The following RIPK1 variants were observed in gnomAD, a reference collection of about 807,000 sequenced individuals.
RIPK1 encodes the protein receptor interacting serine/threonine kinase 1.
In RIPK1, 27 loss-of-function variants were observed where a neutral mutation model predicts 62.4. That is an observed-to-expected ratio of 0.43 (90% CI 0.32 to 0.60). RIPK1 has a LOEUF of 0.60. Among genes scored for constraint, RIPK1 ranks in the 20% least tolerant of loss-of-function variants. RIPK1 has a pLI of 0.07. For synonymous variants in RIPK1, 287 were observed against 303.2 expected, an observed-to-expected ratio of 0.95 and a Z score of 0.55; for missense variants, 735 against 831.0, an observed-to-expected ratio of 0.88 and a Z score of 1.42.
chr6:3,099,494 A>T (rs1561769350), intron 7 of RIPK1, among the ~76,000 whole-genome samples: 1 of 152,252 alleles, frequency 6.6e-6, no homozygotes, highest in Non-Finnish European at 1.5e-5. Context: ...CAGTGAGCCG[A>T]GATGGAGCCA....
intron 7 of RIPK1, among the ~76,000 whole-genome samples, chr6:3,100,555 A>T (rs1760541220): frequency 6.6e-6 from 1 of 152,082 alleles, no homozygotes; most frequent in Non-Finnish European, 1.5e-5. Context: ...TTTGGATGTT[A>T]TTCTATGTGA....
intron 10 of RIPK1, 118 bp from the exon 11 acceptor site, chr6:3,112,935 T>A: frequency 1.2e-6 from 1 of 812,686 alleles, no homozygotes; most frequent in Non-Finnish European, 1.9e-6. Context: ...ACTAAGAAGT[T>A]ATCTTTTTCA....
At chr6:3,082,631 G>A (rs964367917) in intron 4 of RIPK1, among the ~76,000 whole-genome samples, 2 of 152,136 alleles carry the variant, frequency 1.3e-5, no homozygotes. Flanking sequence ...GCATCCATGG[G>A]CCTCTGGACG....
chr6:3,083,002 T>C (rs1759481496), intron 4 of RIPK1, 83 bp from the exon 5 acceptor site: 3 of 1,387,400 alleles, frequency 2.2e-6, no homozygotes, highest in Admixed American at 3.5e-5. Context: ...TTATGTATAA[T>C]GGATAAGCCC....
intron 1 of RIPK1, among the ~76,000 whole-genome samples, chr6:3,073,978 C>G (rs116284271): frequency 0.013 from 2,016 of 152,314 alleles, 14 homozygotes; most frequent in Middle Eastern, 0.027. Flanking sequence ...TGATGTATTT[C>G]CAAGTACACA....
At chr6:3,111,978 TTC>T (rs1164390645) in intron 10 of RIPK1, among the ~76,000 whole-genome samples, 1 of 152,236 alleles carries the variant, frequency 6.6e-6, no homozygotes, top group African/African-American at 2.4e-5. Flanking sequence ...CTTCCTTATA[TTC>T]TGTTTAATGA....
intron 2 of RIPK1, among the ~76,000 whole-genome samples, chr6:3,077,215 A>C (rs1483867975): frequency 6.6e-6 from 1 of 152,168 alleles, no homozygotes; most frequent in Non-Finnish European, 1.5e-5. Flanking sequence ...AGACATGAAC[A>C]AGAAGGAAAT....
intron 7 of RIPK1, among the ~76,000 whole-genome samples, chr6:3,093,913 G>A (rs1760108572): frequency 1.9e-5 from 1 of 51,604 alleles, no homozygotes; most frequent in East Asian, 4.8e-4. Flanking sequence ...GCCGCACCTA[G>A]TAACCGCAGC....
At chr6:3,088,242 C>T (rs774580771) in intron 6 of RIPK1, among the ~76,000 whole-genome samples, 2 of 152,218 alleles carry the variant, frequency 1.3e-5, no homozygotes, top group Non-Finnish European at 2.9e-5. Flanking sequence ...TTCAGCCTCT[C>T]GACTCAGCCC....
At chr6:3,067,300 AG>A (rs766286355), upstream of RIPK1, among the ~76,000 whole-genome samples, 5 of 152,058 alleles carry the variant, frequency 3.3e-5, no homozygotes, top group Non-Finnish European at 7.4e-5. Flanking sequence ...TGGTAAGAAG[AG>A]CTTGGTTAAG....
At chr6:3,094,533 C>T (rs1581416143) in intron 7 of RIPK1, among the ~76,000 whole-genome samples, 1 of 150,848 alleles carries the variant, frequency 6.6e-6, no homozygotes, top group Admixed American at 6.6e-5. Flanking sequence ...TTATAAAATG[C>T]ACTTTGCAAA....
intron 3 of RIPK1, among the ~76,000 whole-genome samples, chr6:3,079,998 AAG>A (rs1233305857): frequency 6.6e-6 from 1 of 152,196 alleles, no homozygotes; most frequent in African/African-American, 2.4e-5. Context: ...GAGAAGCAGA[AAG>A]AGAGGAGAGA....
chr6:3,108,184 G>A (rs1760958908), intron 9 of RIPK1, among the ~76,000 whole-genome samples: 1 of 151,896 alleles, frequency 6.6e-6, no homozygotes, highest in Non-Finnish European at 1.5e-5. Context: ...GCTGCTTGAA[G>A]TGAGGTTAGA....
chr6:3,103,691 C>T (rs1041593660), intron 7 of RIPK1, among the ~76,000 whole-genome samples: 1 of 152,046 alleles, frequency 6.6e-6, no homozygotes, highest in Non-Finnish European at 1.5e-5. Flanking sequence ...GTGTCATAAC[C>T]AAGAAATCGC....
In RIPK1 at chr6:3,085,290, C is replaced by T. The variant is rs142492551; in HGVS notation, c.720C>T (p.Cys240=). ...NAICEQQLIM[C]IKSGNRPDVD... Reference sequence around the variant, plus strand: ...TCTGTGAGCAGCAGTTGATAATGTGCATAAAATCTGGGAACAGGCCAGATG... The same window carrying T: ...TCTGTGAGCAGCAGTTGATAATGTGTATAAAATCTGGGAACAGGCCAGATG... Residue 240 remains cysteine (C), a synonymous_variant, in exon 6 of 11, where the codon TGC becomes TGT. Coordinates refer to ENST00000259808, the MANE Select transcript of RIPK1 (RefSeq NM_001354930.2). 2.5e-6 allele frequency: 4 copies of T among 1,614,076 alleles called. No individual in the cohort carries two copies. In the African/African-American group the frequency reaches 4.0e-5, roughly 16 times the overall value.
At chr6:3,096,062 C>T (rs912986829) in intron 7 of RIPK1, among the ~76,000 whole-genome samples, 13 of 152,284 alleles carry the variant, frequency 8.5e-5, no homozygotes, top group African/African-American at 2.4e-4. Flanking sequence ...GTCTCAAACT[C>T]ATGAGCTCAA....
chr6:3,094,713 AG>A (rs1473952974), intron 7 of RIPK1, among the ~76,000 whole-genome samples: 1 of 152,046 alleles, frequency 6.6e-6, no homozygotes, highest in East Asian at 1.9e-4. Context: ...TGCCGCAGAA[AG>A]TAACTAACAG....
intron 10 of RIPK1, among the ~76,000 whole-genome samples, chr6:3,111,509 C>T (rs75760643): frequency 0.025 from 3,736 of 146,904 alleles, 87 homozygotes; most frequent in East Asian, 0.071. Context: ...ATGGGATTGG[C>T]GCTTTTTTTT....
chr6:3,112,684 C>G (rs1761224395), intron 10 of RIPK1, among the ~76,000 whole-genome samples: 1 of 152,154 alleles, frequency 6.6e-6, no homozygotes, highest in African/African-American at 2.4e-5. Context: ...GCATGTGCCA[C>G]CATACCCAGC....
Sources: allele counts gnomAD v4.1 joint callset (sites outside exome capture counted in the v4.1 genomes callset), GRCh38; gene constraint gnomAD v4.1.1; transcripts MANE v1.5; gene names NCBI Gene and HGNC (gene_info 2026-07-23, HGNC 2026-07-21).